Variants in DFFB observed in about 807,000 individuals in gnomAD.
DFFB encodes the protein DNA fragmentation factor 40 kDa subunit.
In DFFB, 29 loss-of-function variants were observed where a neutral mutation model predicts 32.7. The ratio of observed to expected loss-of-function variants is 0.89; its 90% CI spans 0.66 to 1.21. The LOEUF is 1.21. Ranked by LOEUF, DFFB falls within the 50% of genes most tolerant of loss-of-function variation. The pLI is 0.00. For missense variants in DFFB, 398 were observed against 440.6 expected (o/e 0.90, Z 0.87); for synonymous variants, 170 against 177.1 (o/e 0.96, Z 0.32).
intron 2 of DFFB, among the ~76,000 whole-genome samples, chr1:3,862,545 A>G (rs965065756): frequency 1.3e-5 from 2 of 152,244 alleles, no homozygotes; most frequent in Non-Finnish European, 2.9e-5. Context: ...CAGAGCACCC[A>G]GAAATCTATG....
chr1:3,858,908 G>C, intron 2 of DFFB, 64 bp downstream of exon 2: 1 of 1,590,042 alleles, frequency 6.3e-7, no homozygotes, highest in Non-Finnish European at 8.5e-7. Context: ...TGGGGGCTTA[G>C]CTCCAGGTGC....
Position 3,858,719 on chromosome 1 carries a change from T to A in DFFB, c.116T>A (p.Leu39His), listed in dbSNP as rs781186974. 3 of 1,613,896 alleles carry A rather than the reference T, an allele frequency of 1.9e-6. No individual in the cohort carries two copies. Among genetic ancestry groups the A allele is most frequent in the Non-Finnish European group, 2.5e-6 (3 of 1,179,950 alleles). Residue 39 changes from leucine to histidine, a missense_variant and splice_region_variant, in exon 2 of 7, where the codon CTC (leucine) becomes CAC (histidine). Leu to His is a moderately conservative substitution (Grantham distance 99). Coordinates refer to ENST00000378209, the MANE Select transcript of DFFB (RefSeq NM_004402.4). Reference sequence around the variant, plus strand: ...CTGTTGCTTCTCCCGTCCCTGCAGCTCCCTGAGCGCGGTTCCCGGCTGTGC... The same window carrying A: ...CTGTTGCTTCTCCCGTCCCTGCAGCACCCTGAGCGCGGTTCCCGGCTGTGC... Reference protein sequence around the residue: ...VLRKGCLRFQLPERGSRLCLY... With the variant: ...VLRKGCLRFQHPERGSRLCLY...
chr1:3,863,648 C>T (rs1644920022), intron 2 of DFFB, among the ~76,000 whole-genome samples: 2 of 152,128 alleles, frequency 1.3e-5, no homozygotes, highest in Non-Finnish European at 2.9e-5. Context: ...TAGAGTGTGG[C>T]ACATCCATAC....
chr1:3,868,178 G>T, intron 4 of DFFB, 125 bp downstream of exon 4: 1 of 876,000 alleles, frequency 1.1e-6, no homozygotes, highest in Admixed American at 1.8e-5. Flanking sequence ...GCGTGGATCT[G>T]GTGGGGCTGC....
intron 6 of DFFB, 65 bp from the exon 7 acceptor site, chr1:3,883,442 T>G (rs1287012001): frequency 7.0e-7 from 1 of 1,437,608 alleles, no homozygotes; most frequent in Non-Finnish European, 9.7e-7. Flanking sequence ...TGCAATACAC[T>G]GCTATGACCT....
At chr1:3,857,793 C>T in intron 1 of DFFB, 76 bp downstream of exon 1, 2 of 1,133,206 alleles carry the variant, frequency 1.8e-6, no homozygotes, top group South Asian at 1.8e-5. Flanking sequence ...TTTTCCTCTT[C>T]CAAAACGGAG....
In DFFB at chr1:3,865,961, G is replaced by C; in HGVS notation, c.391G>C (p.Ala131Pro). The C allele has an allele frequency of 4.4e-6, 7 of 1,590,336 alleles. No individual in the cohort carries two copies. The highest frequency in any genetic ancestry group is 6.0e-6 in the Non-Finnish European group (7 of 1,165,292). ...DLLHNVSQNI[A>P]AETRAEDPPW... ...CCTGCACAACGTCAGCCAGAACATC[G>C]CGGCCGAGACCCGGGCTGAGGACCC... The change falls in exon 3 of 7, where the codon GCG becomes CCG. Residue 131 changes from alanine to proline, a missense_variant. Transcript: ENST00000378209. The surrounding 1 kb of genome is among the most constrained non-coding windows in gnomAD (Gnocchi z 4.7).
At position 3,879,625 on chromosome 1, in the gene DFFB, C is replaced by T. The variant is rs370001705; in HGVS notation, c.783-3882C>T. On this transcript the variant is annotated intron_variant, in intron 6 of 6. Coordinates refer to ENST00000378209, the MANE Select transcript of DFFB (RefSeq NM_004402.4). The stretch of plus-strand genomic sequence containing the variant: ...AGAGCCCTTACTAGCACCCGGCGTG[C>T]GGGCACCTGTTCTTCCAGCCTCCAG... Among the ~76,000 whole-genome samples, 26 of 152,300 alleles carry T rather than the reference C, an allele frequency of 1.7e-4. 1 individual carries two copies. Among genetic ancestry groups the T allele is most frequent in the South Asian group, 6.2e-4 (3 of 4,824 alleles).
intron 2 of DFFB, 133 bp downstream of exon 2, chr1:3,858,977 C>T (rs1262944575): frequency 7.5e-7 from 1 of 1,339,670 alleles, no homozygotes; most frequent in South Asian, 1.4e-5. Flanking sequence ...AGGAGGAAGC[C>T]CTCTGGAGGC....
At chr1:3,866,198 G>C (rs1198942530) in intron 3 of DFFB, 198 bp downstream of exon 3, 2 of 692,760 alleles carry the variant, frequency 2.9e-6, no homozygotes, top group Non-Finnish European at 5.2e-6. Flanking sequence ...GACTCAGGTG[G>C]GGCCAGAGTC....
Position 3,869,678 on chromosome 1 carries a change from A to G in DFFB, c.584A>G (p.Gln195Arg). ...CTGCGGGTCCTCGGCTCCATGTGCC[A>G]GAGGCTCCGGTCCATGCAGTACAAT... is the stretch of plus-strand genomic sequence containing the variant. ...EFLRVLGSMC[Q>R]RLRSMQYNGS... The change falls in exon 5 of 7, where the codon CAG becomes CGG. Residue 195 changes from glutamine (Q) to arginine (R), a missense_variant. Physicochemically the swap from Gln to Arg is conservative, Grantham distance 43. Transcript: ENST00000378209. 1.2e-6 allele frequency: 2 copies of G among 1,613,516 alleles called. No individual in the cohort carries two copies. Among genetic ancestry groups the G allele is most frequent in the African/African-American group, 1.3e-5 (1 of 75,060 alleles).
rs564167639 is a variant in DFFB, at chr1:3,860,794, C to T, written c.241+1950C>T. 2.6e-4 allele frequency among the ~76,000 whole-genome samples: 40 copies of T among 152,262 alleles called. 1 individual carries two copies. The South Asian group carries it at 7.1e-3, about 27-fold the overall frequency. The stretch of plus-strand genomic sequence containing the variant: ...CCCTTTATAATCCTGCCTACCCCTG[C>T]CCACCAGCAATCCCTAGCCCGTAGC... On this transcript the variant is annotated intron_variant, in intron 2 of 6. Transcript: ENST00000378209.
At position 3,871,172 on chromosome 1, in the gene DFFB, G is replaced by A. The variant is rs1350084766; in HGVS notation, c.682-1300G>A. Among the ~76,000 whole-genome samples, 3 of 152,256 alleles carry A rather than the reference G, an allele frequency of 2.0e-5. No homozygotes were observed. The East Asian group carries it at 5.8e-4, about 29-fold the overall frequency. ...CACTTCCCATGAGGTGGGGGTGCTGGTGTGTGATCACACGGGTAACAGTGA... is the reference window on the plus strand; with the variant it reads ...CACTTCCCATGAGGTGGGGGTGCTGATGTGTGATCACACGGGTAACAGTGA... On this transcript the variant is annotated intron_variant, in intron 5 of 6. Transcript: ENST00000378209.
At chr1:3,863,820 T>C (rs1415495031) in intron 2 of DFFB, among the ~76,000 whole-genome samples, 1 of 151,800 alleles carries the variant, frequency 6.6e-6, no homozygotes, top group African/African-American at 2.4e-5. Context: ...TTGTTTAGGG[T>C]TGGGGGTAGG....
intron 4 of DFFB, 91 bp from the exon 5 acceptor site, chr1:3,869,514 T>C (rs1645066681): frequency 1.5e-6 from 2 of 1,372,760 alleles, no homozygotes; most frequent in Non-Finnish European, 2.0e-6. Context: ...GGGCAGGGTC[T>C]CAGAGGGCCA....
rs1012538107 is a variant in DFFB at position 3,885,189 on chromosome 1, C to T, written c.*1448C>T. On this transcript the variant is annotated 3_prime_UTR_variant, in exon 7 of 7. Transcript: ENST00000378209. ...CGTGTGGGTGGCGGGTGCACAGAGA[C>T]GGTCTGGAAGGAAACACGCGGATCT... 3 of 152,032 alleles carry T rather than the reference C, an allele frequency of 2.0e-5. No homozygotes were observed. The highest frequency in any genetic ancestry group is 4.8e-5 in the African/African-American group (2 of 41,358). The allele number at this position is 152,032 out of a possible 1,614,324, so 9.4% of individuals were successfully genotyped here.
At chr1:3,858,273 C>G (rs987255237) in intron 1 of DFFB, among the ~76,000 whole-genome samples, 1 of 152,204 alleles carries the variant, frequency 6.6e-6, no homozygotes, top group Non-Finnish European at 1.5e-5. Flanking sequence ...CGGACTCCAA[C>G]AAATTAACAG....
intron 2 of DFFB, chr1:3,860,519 G>A (rs775201590): frequency 1.7e-5 from 7 of 412,398 alleles, no homozygotes; most frequent in South Asian, 1.0e-4. Context: ...ATGAGCCACT[G>A]TGCCTGGCCT....
intron 3 of DFFB, among the ~76,000 whole-genome samples, chr1:3,866,699 A>G (rs1570908640): frequency 1.3e-5 from 2 of 151,972 alleles, no homozygotes; most frequent in East Asian, 1.9e-4. Context: ...GCAAAGCTGA[A>G]CCCGTGTCCC....
Sources: allele counts gnomAD v4.1 joint callset (sites outside exome capture counted in the v4.1 genomes callset), GRCh38; gene constraint gnomAD v4.1.1; non-coding constraint Gnocchi (gnomAD v3.1); transcripts MANE v1.5; gene names NCBI Gene and HGNC (gene_info 2026-07-23, HGNC 2026-07-21).